PDSS2: variants seen among roughly 807,000 people sequenced by gnomAD.
PDSS2 encodes all trans-polyprenyl-diphosphate synthase PDSS2.
PDSS2 carries 31 observed loss-of-function variants against 44.5 expected under a neutral mutation model. The ratio of observed to expected loss-of-function variants is 0.70; its 90% CI spans 0.52 to 0.94. The LOEUF is 0.94. Among genes scored for constraint, PDSS2 ranks in the 40% least tolerant of loss-of-function variants. The probability of loss-of-function intolerance (pLI) is 0.00; values close to 1 mark genes in which losing one functional copy is unlikely to be tolerated. For synonymous variants in PDSS2, 157 were observed against 180.3 expected, an observed-to-expected ratio of 0.87 and a Z score of 1.03; for missense variants, 452 against 482.2, an observed-to-expected ratio of 0.94 and a Z score of 0.59.
At chr6:107,309,375 GA>G (rs1417843675) in intron 2 of PDSS2, among the ~76,000 whole-genome samples, 4 of 152,198 alleles carry the variant, frequency 2.6e-5, no homozygotes, top group African/African-American at 9.7e-5. Context: ...TCATTCTGAA[GA>G]AAAGAATGAA....
intron 6 of PDSS2, among the ~76,000 whole-genome samples, chr6:107,199,963 C>T (rs950098946): frequency 2.6e-5 from 4 of 152,012 alleles, no homozygotes; most frequent in African/African-American, 9.7e-5. Flanking sequence ...AAGAAGGGAA[C>T]CTAAGCTTCC....
chr6:107,267,095 A>G (rs1775433690), intron 3 of PDSS2, among the ~76,000 whole-genome samples: 1 of 152,244 alleles, frequency 6.6e-6, no homozygotes. Context: ...AGAATAGTTC[A>G]AAGTTAAAAC....
At chr6:107,346,292 G>A (rs900694257) in intron 1 of PDSS2, among the ~76,000 whole-genome samples, 6 of 152,156 alleles carry the variant, frequency 3.9e-5, no homozygotes, top group Non-Finnish European at 5.9e-5. Flanking sequence ...AGCTGCAGGG[G>A]CAACTGTTTC....
At chr6:107,283,736 A>G (rs1471824548) in intron 2 of PDSS2, among the ~76,000 whole-genome samples, 5 of 151,528 alleles carry the variant, frequency 3.3e-5, no homozygotes, top group Admixed American at 6.6e-5. Flanking sequence ...ATAAATAAAT[A>G]AATAAATAAA....
intron 1 of PDSS2, among the ~76,000 whole-genome samples, chr6:107,363,452 G>A (rs1778847100): frequency 6.6e-6 from 1 of 151,984 alleles, no homozygotes; most frequent in Admixed American, 6.5e-5. Context: ...AGACCTTCGC[G>A]GTGAGTGTTA....
intron 7 of PDSS2, among the ~76,000 whole-genome samples, chr6:107,166,238 TG>T (rs1188207666): frequency 6.6e-6 from 1 of 152,146 alleles, no homozygotes; most frequent in East Asian, 1.9e-4. Context: ...ATCCCTGTCT[TG>T]TGCCAGTTTC....
chr6:107,377,095 A>G (rs1295470342), intron 1 of PDSS2, among the ~76,000 whole-genome samples: 1 of 147,128 alleles, frequency 6.8e-6, no homozygotes, highest in Non-Finnish European at 1.5e-5. Flanking sequence ...ATCAGAGTGA[A>G]CAGGCAACCT....
At chr6:107,319,502 C>T (rs1562459406) in intron 2 of PDSS2, among the ~76,000 whole-genome samples, 1 of 152,074 alleles carries the variant, frequency 6.6e-6, no homozygotes, top group Non-Finnish European at 1.5e-5. Flanking sequence ...CAAAAGACAA[C>T]GTGGTACCTG....
intron 1 of PDSS2, among the ~76,000 whole-genome samples, chr6:107,369,038 G>GA (rs1459740360): frequency 1.3e-5 from 2 of 152,124 alleles, no homozygotes; most frequent in Admixed American, 1.3e-4. Flanking sequence ...ATTAATTTTT[G>GA]AAAAAAGTGC....
At chr6:107,309,360 C>A (rs771909915) in intron 2 of PDSS2, among the ~76,000 whole-genome samples, 1 of 152,208 alleles carries the variant, frequency 6.6e-6, no homozygotes, top group Non-Finnish European at 1.5e-5. Context: ...CCTCTGTCTT[C>A]ATTCTCATTC....
rs1770763643 is a variant in PDSS2 at position 107,153,006 on chromosome 6, T to C, written c.*1613A>G. 1 of 152,460 alleles carries C rather than the reference T, an allele frequency of 6.6e-6. No homozygotes were observed. 9.4% of individuals were successfully genotyped at this position (152,460 alleles called of 1,614,324 possible). A position where few individuals can be genotyped will look rare whatever the true frequency, so the allele number is the denominator to read the frequency against. ...AACTGTACAATTATGATATTTTGAG[T>C]ACACTTAAAATATTTTATAATACAA... is the stretch of plus-strand genomic sequence containing the variant. On this transcript the variant is annotated 3_prime_UTR_variant, in exon 8 of 8. Transcript: ENST00000369037.
chr6:107,219,477 G>A (rs1366303348), intron 4 of PDSS2, among the ~76,000 whole-genome samples: 1 of 152,008 alleles, frequency 6.6e-6, no homozygotes, highest in African/African-American at 2.4e-5. Flanking sequence ...TAGTAGAGAC[G>A]ATTTTCGCTA....
At chr6:107,401,570 C>T (rs1002429576) in intron 1 of PDSS2, among the ~76,000 whole-genome samples, 17 of 152,036 alleles carry the variant, frequency 1.1e-4, no homozygotes, top group Non-Finnish European at 1.6e-4. Flanking sequence ...TGGATCCTAA[C>T]GAAAAAGAAA....
At chr6:107,307,185 T>C (rs1168525741) in intron 2 of PDSS2, among the ~76,000 whole-genome samples, 1 of 152,202 alleles carries the variant, frequency 6.6e-6, no homozygotes, top group African/African-American at 2.4e-5. Flanking sequence ...GTGCACATGG[T>C]TCTACAACCT....
intron 1 of PDSS2, among the ~76,000 whole-genome samples, chr6:107,429,211 T>C (rs1222380155): frequency 6.6e-6 from 1 of 152,212 alleles, no homozygotes; most frequent in East Asian, 1.9e-4. Context: ...TGAATGCAGA[T>C]GCCTTATTTC....
At chr6:107,233,291 T>A (rs563654368) in intron 4 of PDSS2, among the ~76,000 whole-genome samples, 1 of 152,310 alleles carries the variant, frequency 6.6e-6, no homozygotes, top group East Asian at 1.9e-4. Context: ...ATTGCTCTCC[T>A]GTGGCTTCAT....
At chr6:107,402,437 T>TACACAC (rs1174489186) in intron 1 of PDSS2, among the ~76,000 whole-genome samples, 29 of 125,930 alleles carry the variant, frequency 2.3e-4, no homozygotes, top group African/African-American at 8.3e-4. Flanking sequence ...AATATATATA[T>TACACAC]ACACACACAC....
In PDSS2 at chr6:107,386,235, G is replaced by A. The variant is rs376748514; in HGVS notation, c.297-51903C>T. Among the ~76,000 whole-genome samples the A allele has an allele frequency of 4.1e-4, 62 of 151,852 alleles. No individual in the cohort carries two copies. The South Asian group carries it at 0.012, about 29-fold the overall frequency. ...AAAAAAATGATCCACTTTTCTTCTG[G>A]GTTCCCATATACAGGAATCAAAATA... On this transcript the variant is annotated intron_variant, in intron 1 of 7. Transcript: ENST00000369037.
chr6:107,310,284 CAAAAAAAAAA>C (rs58991885), intron 2 of PDSS2, among the ~76,000 whole-genome samples: 2 of 90,266 alleles, frequency 2.2e-5, no homozygotes, highest in African/African-American at 4.5e-5. Context: ...GACTCCATCC[CAAAAAAAAAA>C]AAAAAAAAAA....
Sources: gnomAD v4.1 joint callset for allele counts (sites outside exome capture counted in the v4.1 genomes callset) on GRCh38, gnomAD v4.1.1 for gene constraint, MANE v1.5 for transcripts, NCBI Gene and HGNC (gene_info 2026-07-23, HGNC 2026-07-21) for gene names.